Variants in USP48 observed in about 807,000 individuals in gnomAD.
USP48 encodes ubiquitin specific peptidase 48.
USP48 carries 43 observed loss-of-function variants against 150.7 expected under a neutral mutation model. The ratio of observed to expected loss-of-function variants is 0.29; its 90% CI spans 0.22 to 0.37. The LOEUF is 0.37. Among genes scored for constraint, USP48 ranks in the 10% least tolerant of loss-of-function variants. The pLI is 1.00. For synonymous variants in USP48, 396 were observed against 425.9 expected (o/e 0.93, Z 0.86); for missense variants, 813 against 1,249.6 (o/e 0.65, Z 5.27).
intron 1 of USP48, among the ~76,000 whole-genome samples, chr1:21,778,811 C>T (rs192448590): frequency 1.1e-4 from 17 of 150,500 alleles, no homozygotes; most frequent in Admixed American, 9.3e-4. Context: ...AGTGCAGTGG[C>T]GTATCTCAGC....
At chr1:21,704,499 C>A in intron 19 of USP48, 107 bp from the exon 20 acceptor site, 1 of 1,229,118 alleles carries the variant, frequency 8.1e-7, no homozygotes, top group Non-Finnish European at 1.1e-6. Context: ...ACATTTAATC[C>A]AAAGGAATTA....
chr1:21,783,136 G>T lies in USP48; in HGVS notation c.-179C>A. ...CGCCGCGCCCGCCCGCGCCCGACCC[G>T]CACGACCGGCCGCAAAGCGCCGCCG... On this transcript the variant is annotated 5_prime_UTR_variant, in exon 1 of 27. Coordinates refer to ENST00000308271, the MANE Select transcript of USP48 (RefSeq NM_032236.8). 1 of 970,024 alleles carries T rather than the reference G, an allele frequency of 1.0e-6. No homozygotes were observed. Among genetic ancestry groups the T allele is most frequent in the Non-Finnish European group, 1.4e-6 (1 of 725,706 alleles). 60.1% of individuals were successfully genotyped at this position (970,024 alleles called of 1,614,324 possible).
At position 21,724,016 on chromosome 1, in the gene USP48, G is replaced by A. The variant is rs533896362; in HGVS notation, c.1530C>T (p.His510=). 1.2e-5 allele frequency: 19 copies of A among 1,614,136 alleles called. No individual in the cohort carries two copies. Among genetic ancestry groups the A allele is most frequent in the Admixed American group, 3.3e-5 (2 of 60,008 alleles). The stretch of plus-strand genomic sequence containing the variant: ...GCTTGTCATGGGAACACAGGCAAGC[G>A]TGATTATCAATAGGTTTGGTAGGTG... ...ESTPTKPIDN[H]ACLCSHDKLH... The change falls in exon 12 of 27, where the codon CAC becomes CAT. Residue 510 remains histidine, a synonymous_variant. Transcript: ENST00000308271.
At chr1:21,718,949 A>G (rs1473189523) in intron 14 of USP48, among the ~76,000 whole-genome samples, 2 of 152,184 alleles carry the variant, frequency 1.3e-5, no homozygotes, top group Non-Finnish European at 2.9e-5. Context: ...TGAATTATAT[A>G]GCACAATAAA....
At chr1:21,706,291 A>T in intron 17 of USP48, 104 bp from the exon 18 acceptor site, 2 of 1,505,700 alleles carry the variant, frequency 1.3e-6, no homozygotes, top group Non-Finnish European at 1.8e-6. Flanking sequence ...TTTATAAATA[A>T]AATGAAAACA....
chr1:21,701,668 G>T lies in USP48; in HGVS notation c.2623-66C>A, dbSNP rs2097657388. Reference sequence around the variant, plus strand: ...TAGGAAGGCAGGCTATGGAGGATGTGGGGGCTGGGACCGGCAACCTTTATC... The same window carrying T: ...TAGGAAGGCAGGCTATGGAGGATGTTGGGGCTGGGACCGGCAACCTTTATC... On this transcript the variant is annotated intron_variant, in intron 21 of 26. Coordinates refer to ENST00000308271, the MANE Select transcript of USP48 (RefSeq NM_032236.8). 5.0e-6 allele frequency: 7 copies of T among 1,404,884 alleles called. No homozygotes were observed. In the South Asian group the frequency reaches 8.1e-5, roughly 16 times the overall value. 87.0% of individuals were successfully genotyped at this position (1,404,884 alleles called of 1,614,324 possible). A position where few individuals can be genotyped will look rare whatever the true frequency, so the allele number is the denominator to read the frequency against.
At chr1:21,714,665 C>T (rs1230858235) in intron 15 of USP48, among the ~76,000 whole-genome samples, 1 of 152,092 alleles carries the variant, frequency 6.6e-6, no homozygotes, top group African/African-American at 2.4e-5. Flanking sequence ...GAAAATTATG[C>T]CTAATATATG....
In USP48 at chr1:21,704,262, T is replaced by C. The variant is rs773848880; in HGVS notation, c.2515A>G (p.Lys839Glu). Residue 839 changes from lysine (K) to glutamate (E), a missense_variant and splice_region_variant, in exon 20 of 27, where the codon AAA becomes GAA. Transcript: ENST00000308271. ...AACCGAAAGCAATATGAAAACTTAC[T>C]GGGCTCAGAAATATACTGTGTTTCT... ...PSETQYISEPKLCPECREGLL... is the reference protein window; with the variant it reads ...PSETQYISEPELCPECREGLL... The C allele has an allele frequency of 2.5e-6, 4 of 1,607,624 alleles. No homozygotes were observed. The highest frequency in any genetic ancestry group is 1.3e-5 in the African/African-American group (1 of 74,494).
chr1:21,739,481 T>C (rs182433091), intron 8 of USP48, among the ~76,000 whole-genome samples: 143 of 131,328 alleles, frequency 1.1e-3, no homozygotes, highest in Middle Eastern at 6.0e-3. Context: ...ATCATGCCAT[T>C]GCACTCCGGC....
At chr1:21,698,843 C>G (rs376630214) in intron 22 of USP48, among the ~76,000 whole-genome samples, 3 of 151,594 alleles carry the variant, frequency 2.0e-5, no homozygotes, top group Non-Finnish European at 1.5e-5. Context: ...TGCAGTGAGC[C>G]GAGATGGCAC....
At chr1:21,767,321 T>A (rs1482595042) in intron 1 of USP48, among the ~76,000 whole-genome samples, 1 of 150,412 alleles carries the variant, frequency 6.6e-6, no homozygotes, top group East Asian at 1.9e-4. Flanking sequence ...GGACCTTTTT[T>A]ATTTTTATTT....
chr1:21,737,575 A>G (rs75131179), intron 8 of USP48, among the ~76,000 whole-genome samples: 1 of 152,172 alleles, frequency 6.6e-6, no homozygotes, highest in Non-Finnish European at 1.5e-5. Context: ...AAGATCCTCA[A>G]CTTAAAGCAA....
intron 22 of USP48, among the ~76,000 whole-genome samples, chr1:21,698,969 T>G (rs1023529102): frequency 2.6e-5 from 4 of 152,132 alleles, no homozygotes; most frequent in Admixed American, 6.6e-5. Flanking sequence ...CATACGGTAC[T>G]GCCAGCCAAA....
chr1:21,718,556 G>A (rs1302626757), intron 14 of USP48, among the ~76,000 whole-genome samples: 2 of 137,316 alleles, frequency 1.5e-5, no homozygotes, highest in Non-Finnish European at 3.1e-5. Flanking sequence ...ATATAAAGAG[G>A]CCTTTTTCTT....
At chr1:21,729,553 G>C in intron 10 of USP48, 151 bp downstream of exon 10, 3 of 968,078 alleles carry the variant, frequency 3.1e-6, no homozygotes, top group Non-Finnish European at 4.3e-6. Context: ...TTTCTTAAAA[G>C]TAAATTTGCA....
At chr1:21,782,562 C>G (rs1194757435) in intron 1 of USP48, among the ~76,000 whole-genome samples, 2 of 152,254 alleles carry the variant, frequency 1.3e-5, no homozygotes, top group Non-Finnish European at 2.9e-5. Flanking sequence ...GCTCTCAGCT[C>G]CTGCCTTCAT....
intron 21 of USP48, among the ~76,000 whole-genome samples, chr1:21,702,266 A>G (rs761582073): frequency 4.6e-5 from 7 of 152,114 alleles, no homozygotes; most frequent in Non-Finnish European, 1.0e-4. Context: ...TTACCCTTCT[A>G]AAAAATGTGT....
At chr1:21,771,422 T>A (rs2097880183) in intron 1 of USP48, among the ~76,000 whole-genome samples, 1 of 148,396 alleles carries the variant, frequency 6.7e-6, no homozygotes, top group African/African-American at 2.4e-5. Flanking sequence ...AATTTATAAT[T>A]ATTTTATAAT....
rs1164503665 is a variant in USP48, at chr1:21,706,767, T to C, written c.2065A>G (p.Lys689Glu). ...FPKAPEFPSY[K>E]ECCSQCKILE... ...ACCTTGCACTGTGAACAGCACTCTT[T>C]GTAACTTGGAAACTCAGGAGCCTTT... Residue 689 changes from lysine to glutamate, a missense_variant, in exon 16 of 27, where the codon AAA (lysine) becomes GAA (glutamate). Physicochemically the swap from Lys to Glu is moderately conservative, Grantham distance 56. Transcript: ENST00000308271. 3 of 1,612,848 alleles carry C rather than the reference T, an allele frequency of 1.9e-6. No homozygotes were observed. Among genetic ancestry groups the C allele is most frequent in the Non-Finnish European group, 2.5e-6 (3 of 1,179,690 alleles).
Sources: gnomAD v4.1 joint callset for allele counts (sites outside exome capture counted in the v4.1 genomes callset) on GRCh38, gnomAD v4.1.1 for gene constraint, MANE v1.5 for transcripts, NCBI Gene and HGNC (gene_info 2026-07-23, HGNC 2026-07-21) for gene names.